The following MPRIP variants were observed in gnomAD, a reference collection of about 807,000 sequenced individuals.
The protein encoded by MPRIP is myosin phosphatase Rho-interacting protein.
MPRIP carries 59 observed loss-of-function variants against 234.9 expected under a neutral mutation model. The observed-to-expected ratio is 0.25, with a 90% confidence interval of 0.20 to 0.31. MPRIP has a LOEUF of 0.31. MPRIP is among the 10% of genes least tolerant of loss of function. The pLI, the probability that MPRIP is intolerant of heterozygous loss-of-function variation, is 1.00. For synonymous variants in MPRIP, 1,144 were observed against 1,263.9 expected (o/e 0.91, Z 2.01); for missense variants, 2,436 against 3,071.0 (o/e 0.79, Z 4.89).
intron 1 of MPRIP, among the ~76,000 whole-genome samples, chr17:17,051,864 C>T (rs1453560792): frequency 6.6e-6 from 1 of 152,234 alleles, no homozygotes; most frequent in East Asian, 1.9e-4. Flanking sequence ...AGCCTGTAAC[C>T]CTTCTGGCTC....
At chr17:17,113,084 C>A (rs2090205890) in intron 3 of MPRIP, among the ~76,000 whole-genome samples, 1 of 152,162 alleles carries the variant, frequency 6.6e-6, no homozygotes, top group Non-Finnish European at 1.5e-5. Flanking sequence ...CTGTTTCATG[C>A]CCTGGGGGGT....
intron 3 of MPRIP, among the ~76,000 whole-genome samples, chr17:17,104,414 T>TC (rs2090023261): frequency 6.6e-6 from 1 of 152,152 alleles, no homozygotes; most frequent in African/African-American, 2.4e-5. Flanking sequence ...CCCTTCCTGG[T>TC]AGAGAATTGC....
At chr17:17,184,703 C>G (rs1353420251) in intron 23 of MPRIP, 120 bp from the exon 24 acceptor site, 1 of 689,056 alleles carries the variant, frequency 1.5e-6, no homozygotes, top group Admixed American at 2.1e-5. Context: ...ACTAACCGCA[C>G]CTGCACCCGG....
intron 1 of MPRIP, among the ~76,000 whole-genome samples, chr17:17,067,478 A>T (rs1377095038): frequency 6.6e-6 from 1 of 152,210 alleles, no homozygotes; most frequent in Non-Finnish European, 1.5e-5. Flanking sequence ...TCCTGGGAAG[A>T]TGGAGCAGGA....
chr17:17,052,963 G>C (rs2088586856), intron 1 of MPRIP, among the ~76,000 whole-genome samples: 1 of 152,112 alleles, frequency 6.6e-6, no homozygotes, highest in African/African-American at 2.4e-5. Context: ...ATAGATAAAG[G>C]GGCCAAGGGA....
At chr17:17,069,483 C>CTT (rs200260238) in intron 1 of MPRIP, among the ~76,000 whole-genome samples, 1 of 138,708 alleles carries the variant, frequency 7.2e-6, no homozygotes, top group Admixed American at 7.1e-5. Flanking sequence ...TTTTGTTTTG[C>CTT]TTTTTTTTTT....
intron 1 of MPRIP, among the ~76,000 whole-genome samples, chr17:17,046,019 A>G (rs2088337895): frequency 1.3e-5 from 2 of 152,122 alleles, no homozygotes; most frequent in Non-Finnish European, 2.9e-5. Context: ...GTTAGCCAGG[A>G]TGGTCTTGAT....
intron 1 of MPRIP, among the ~76,000 whole-genome samples, chr17:17,049,198 G>T (rs565026307): frequency 2.0e-5 from 3 of 152,152 alleles, no homozygotes; most frequent in Non-Finnish European, 4.4e-5. Flanking sequence ...TGGGCAATGT[G>T]GAATGACTGC....
In MPRIP at chr17:17,187,708, A is replaced by G. The variant is rs769138302; in HGVS notation, c.*2814A>G. The G allele has an allele frequency of 1.3e-5, 2 of 152,172 alleles. No homozygotes were observed. The highest frequency in any genetic ancestry group is 2.9e-5 in the Non-Finnish European group (2 of 68,084). The allele number at this position is 152,172 out of a possible 1,614,324, so 9.4% of individuals were successfully genotyped here. On this transcript the variant is annotated 3_prime_UTR_variant, in exon 24 of 24. Transcript: ENST00000651222. The stretch of plus-strand genomic sequence containing the variant: ...GTTTCCTTCCTGCAGGCATCCAAAT[A>G]CCCTGGAAGGGATTTAACCCCTGAA...
In MPRIP at chr17:17,082,285, A is replaced by ATTTTT. The variant is rs71355536; in HGVS notation, c.267+4232_267+4236dup. 1.0e-2 allele frequency among the ~76,000 whole-genome samples: 886 copies of ATTTTT among 88,698 alleles called. 89 individuals are homozygous for ATTTTT. Among genetic ancestry groups the ATTTTT allele is most frequent in the African/African-American group, 0.039 (851 of 21,728 alleles). The allele number at this position is 88,698 out of a possible 152,430, so 58.2% of individuals were successfully genotyped here. A position where few individuals can be genotyped will look rare whatever the true frequency, so the allele number is the denominator to read the frequency against. ...AAAAGCTGATCAAATGCTTTTTCCA[A>ATTTTT]TTTTTTTTTTTTTTTTTTTTTTTTT... On this transcript the variant is annotated intron_variant, in intron 3 of 23. Transcript: ENST00000651222.
chr17:17,162,519 C>T (rs2045895993), intron 15 of MPRIP, among the ~76,000 whole-genome samples: 1 of 152,234 alleles, frequency 6.6e-6, no homozygotes, highest in Admixed American at 6.5e-5. Flanking sequence ...ACTCTCCTCT[C>T]CAGCCTCTTC....
chr17:17,049,908 G>A (rs1034570589), intron 1 of MPRIP, among the ~76,000 whole-genome samples: 3 of 152,236 alleles, frequency 2.0e-5, no homozygotes, highest in African/African-American at 7.2e-5. Context: ...AAAAAGAGGG[G>A]CCGGGTGCAG....
At chr17:17,099,319 A>G (rs1000591159) in intron 3 of MPRIP, among the ~76,000 whole-genome samples, 16 of 152,174 alleles carry the variant, frequency 1.1e-4, no homozygotes, top group African/African-American at 3.9e-4. Flanking sequence ...TTGCATCTAA[A>G]TTCACTTAAT....
At position 17,166,249 on chromosome 17, in the gene MPRIP, A is replaced by C; in HGVS notation, c.4658A>C (p.Gln1553Pro). 7.7e-7 allele frequency: 1 copy of C among 1,304,164 alleles called. No individual in the cohort carries two copies. Among genetic ancestry groups the C allele is most frequent in the Non-Finnish European group, 1.0e-6 (1 of 988,918 alleles). 80.8% of individuals were successfully genotyped at this position (1,304,164 alleles called of 1,614,324 possible). Residue 1553 changes from glutamine (Q) to proline (P), a missense_variant, in exon 16 of 24, where the codon CAG becomes CCG. Physicochemically the swap from Gln to Pro is moderately conservative, Grantham distance 76. Transcript: ENST00000651222. The surrounding 1 kb of genome is among the most constrained non-coding windows in gnomAD (Gnocchi z 4.4). The stretch of plus-strand genomic sequence containing the variant: ...CCTGCCTCCCTGCAGCAGTGCTCCC[A>C]GTCTGAGTTGACAGAGCAGGAGCAG... ...GKPASLQQCS[Q>P]SELTEQEQVR...
chr17:17,174,114 G>A, intron 19 of MPRIP, 39 bp downstream of exon 19: 2 of 1,606,202 alleles, frequency 1.2e-6, no homozygotes, highest in Non-Finnish European at 1.7e-6. Flanking sequence ...TTAGTCAGGG[G>A]CACTCAAGGT....
intron 3 of MPRIP, among the ~76,000 whole-genome samples, chr17:17,085,152 G>C (rs919296072): frequency 2.2e-4 from 33 of 152,192 alleles, no homozygotes; most frequent in African/African-American, 7.7e-4. Context: ...CTTAGGGAGG[G>C]CTTGTTGGAG....
At position 17,115,757 on chromosome 17, in the gene MPRIP, C is replaced by T. The variant is rs190626717; in HGVS notation, c.268-10945C>T. Among the ~76,000 whole-genome samples, 4 of 151,934 alleles carry T rather than the reference C, an allele frequency of 2.6e-5. No individual in the cohort carries two copies. In the East Asian group the frequency reaches 7.7e-4, roughly 29 times the overall value. On this transcript the variant is annotated intron_variant, in intron 3 of 23. Transcript: ENST00000651222. ...TGATGTAAATGGAGTCATGCAGCATCATCTCACAACTTTACCATCTGCTGG... is the reference window on the plus strand; with the variant it reads ...TGATGTAAATGGAGTCATGCAGCATTATCTCACAACTTTACCATCTGCTGG...
chr17:17,085,802 A>G (rs796910629), intron 3 of MPRIP, among the ~76,000 whole-genome samples: 5 of 152,260 alleles, frequency 3.3e-5, no homozygotes, highest in African/African-American at 1.2e-4. Context: ...ACTCCCAGCT[A>G]CTCTGGAGGC....
intron 9 of MPRIP, among the ~76,000 whole-genome samples, chr17:17,144,378 C>G (rs1487392300): frequency 1.3e-5 from 2 of 152,196 alleles, no homozygotes; most frequent in East Asian, 3.9e-4. Flanking sequence ...TTCCTTCAGT[C>G]TGGGTTTTGC....
Sources: allele counts gnomAD v4.1 joint callset (sites outside exome capture counted in the v4.1 genomes callset), GRCh38; gene constraint gnomAD v4.1.1; non-coding constraint Gnocchi (gnomAD v3.1); transcripts MANE v1.5; gene names NCBI Gene and HGNC (gene_info 2026-07-23, HGNC 2026-07-21).